The following SEM1 variants were observed in gnomAD, a reference collection of about 807,000 sequenced individuals.
SEM1 encodes SEM1 26S proteasome subunit, also known as 26S proteasome complex subunit SEM1.
SEM1 carries 3 observed loss-of-function variants against 12.7 expected under a neutral mutation model. That is an observed-to-expected ratio of 0.24 (90% CI 0.11 to 0.61). The LOEUF (loss-of-function observed/expected upper bound fraction) is 0.61. Ranked by LOEUF, SEM1 falls within the 20% of genes least tolerant of loss-of-function variation. SEM1 has a pLI of 0.88. For synonymous variants in SEM1, 30 were observed against 27.8 expected (o/e 1.08, Z -0.25); for missense variants, 59 against 81.3 (o/e 0.73, Z 1.06).
At chr7:96,489,855 T>C (rs1802934529) in intron 1 of SEM1, among the ~76,000 whole-genome samples, 1 of 152,208 alleles carries the variant, frequency 6.6e-6, no homozygotes, top group Non-Finnish European at 1.5e-5. Context: ...CCTCTTTTCA[T>C]ATGGATGACA....
chr7:96,520,063 A>T (rs1804223867), intron 2 of SEM1, among the ~76,000 whole-genome samples: 1 of 152,158 alleles, frequency 6.6e-6, no homozygotes, highest in Admixed American at 6.5e-5. Context: ...CAAGAAGGGA[A>T]GCTTGAGGCA....
Position 96,640,999 on chromosome 7 carries a change from T to A in SEM1, c.171-18356A>T, listed in dbSNP as rs190605696. 2.6e-4 allele frequency among the ~76,000 whole-genome samples: 40 copies of A among 152,136 alleles called. 1 individual carries two copies. The highest frequency in any genetic ancestry group is 6.2e-4 in the South Asian group (3 of 4,824). ...AGACCAGCATTTCTTACCAGTAAAC[T>A]TTTTTAAATATTATGTTTTTCTATG... On this transcript the variant is annotated intron_variant, in intron 2 of 2. Coordinates refer to the SEM1 transcript ENST00000417009. This position sits in a 1 kb window ranked among gnomAD's most constrained non-coding sequence, Gnocchi z 4.0.
downstream of SEM1, among the ~76,000 whole-genome samples, chr7:96,620,618 C>T (rs1463934722): frequency 2.0e-5 from 3 of 152,184 alleles, no homozygotes; most frequent in Non-Finnish European, 4.4e-5. Context: ...GCTCTCAGCC[C>T]CCTGCCAGCA....
rs543408159 is a variant in SEM1 at position 96,609,777 on chromosome 7, G to GA, written c.170+85020dup. On this transcript the variant is annotated intron_variant and NMD_transcript_variant, in intron 2 of 3. Transcript: ENST00000466986. ...GGTAGCCTATGAGGAAAGGGATAGA[G>GA]ACAAAAGGAAGCAAGATGTATAAGG... 4.6e-5 allele frequency among the ~76,000 whole-genome samples: 7 copies of GA among 152,326 alleles called. No homozygotes were observed. The South Asian group carries it at 1.5e-3, about 32-fold the overall frequency.
At chr7:96,709,653 T>A in intron 1 of SEM1, 35 bp downstream of exon 1, 1 of 1,605,628 alleles carries the variant, frequency 6.2e-7, no homozygotes, top group Non-Finnish European at 8.5e-7. Flanking sequence ...TGAGTCACCG[T>A]TCGCGCGACA....
chr7:96,643,770 A>T (rs1354514902), intron 2 of SEM1, among the ~76,000 whole-genome samples: 1 of 152,146 alleles, frequency 6.6e-6, no homozygotes, highest in Non-Finnish European at 1.5e-5. Context: ...ACACATGGAC[A>T]CAGGGAGAGG....
chr7:96,607,378 T>C (rs140708060), intron 2 of SEM1, among the ~76,000 whole-genome samples: 15 of 152,356 alleles, frequency 9.8e-5, no homozygotes, highest in African/African-American at 3.1e-4. Context: ...AGGGAACCAC[T>C]TTCCTGTGTT....
intron 2 of SEM1, among the ~76,000 whole-genome samples, chr7:96,516,396 C>G (rs1804096732): frequency 6.6e-6 from 1 of 152,074 alleles, no homozygotes; most frequent in African/African-American, 2.4e-5. Context: ...AGTCAGAAAA[C>G]AACCTAATTT....
At chr7:96,594,023 T>G (rs967447637) in intron 2 of SEM1, among the ~76,000 whole-genome samples, 13 of 152,124 alleles carry the variant, frequency 8.5e-5, no homozygotes, top group African/African-American at 3.1e-4. Flanking sequence ...AGATATAGTA[T>G]TAGGGAACAT....
At chr7:96,530,567 C>T (rs750810085) in intron 2 of SEM1, among the ~76,000 whole-genome samples, 14 of 152,034 alleles carry the variant, frequency 9.2e-5, no homozygotes, top group South Asian at 6.2e-4. Context: ...TCATAGTAAA[C>T]GTCCCTCAGG....
chr7:96,635,885 T>C (rs1808411753), intron 2 of SEM1, among the ~76,000 whole-genome samples: 1 of 152,002 alleles, frequency 6.6e-6, no homozygotes, highest in Non-Finnish European at 1.5e-5. Context: ...TTATTAGTTA[T>C]TGGAAAAATT....
intron 2 of SEM1, among the ~76,000 whole-genome samples, chr7:96,538,034 C>T (rs1804841665): frequency 6.6e-6 from 1 of 151,620 alleles, no homozygotes; most frequent in Non-Finnish European, 1.5e-5. Context: ...TTTCTGTTGA[C>T]TTATTTTCTT....
At chr7:96,575,714 C>A (rs575263405) in intron 2 of SEM1, among the ~76,000 whole-genome samples, 2 of 152,290 alleles carry the variant, frequency 1.3e-5, no homozygotes, top group South Asian at 2.1e-4. Context: ...GGCTTTGTGG[C>A]GCTGCGGTGG....
At chr7:96,709,536 AC>A in intron 1 of SEM1, 151 bp downstream of exon 1, 1 of 725,014 alleles carries the variant, frequency 1.4e-6, no homozygotes, top group South Asian at 1.7e-5. Context: ...CTGGGGCGCC[AC>A]TGAGGGGTGA....
At chr7:96,541,413 T>G (rs1205201198) in intron 2 of SEM1, among the ~76,000 whole-genome samples, 4 of 150,108 alleles carry the variant, frequency 2.7e-5, no homozygotes, top group Non-Finnish European at 4.4e-5. Flanking sequence ...GATCATGTCT[T>G]TTCCCACTTT....
intron 2 of SEM1, among the ~76,000 whole-genome samples, chr7:96,665,871 T>C (rs911865936): frequency 6.6e-6 from 1 of 152,180 alleles, no homozygotes; most frequent in South Asian, 2.1e-4. Context: ...CCTCACTGAC[T>C]CTTCACAATC....
downstream of SEM1, among the ~76,000 whole-genome samples, chr7:96,621,447 G>C (rs1282907695): frequency 6.6e-6 from 1 of 152,172 alleles, no homozygotes; most frequent in African/African-American, 2.4e-5. Flanking sequence ...GGATTGTAGA[G>C]TAGCCTGGGG....
intron 2 of SEM1, among the ~76,000 whole-genome samples, chr7:96,577,031 C>T (rs1806227987): frequency 6.6e-6 from 1 of 151,870 alleles, no homozygotes; most frequent in African/African-American, 2.4e-5. Flanking sequence ...GCAGGAGGAT[C>T]GATTGAACCC....
chr7:96,606,593 A>T (rs1314762557), intron 2 of SEM1, among the ~76,000 whole-genome samples: 1 of 152,226 alleles, frequency 6.6e-6, no homozygotes, highest in Non-Finnish European at 1.5e-5. Context: ...TAGAAAAAAA[A>T]GTATTTATTT....
Sources: allele counts gnomAD v4.1 joint callset (sites outside exome capture counted in the v4.1 genomes callset), GRCh38; gene constraint gnomAD v4.1.1; non-coding constraint Gnocchi (gnomAD v3.1); transcripts MANE v1.5; gene names NCBI Gene and HGNC (gene_info 2026-07-23, HGNC 2026-07-21).